GRIN2A: variants seen among roughly 807,000 people sequenced by gnomAD.
The protein encoded by GRIN2A is glutamate ionotropic receptor NMDA type subunit 2A, also known as glutamate receptor ionotropic, NMDA 2A.
GRIN2A carries 22 observed loss-of-function variants against 113.4 expected under a neutral mutation model. That is an observed-to-expected ratio of 0.19 (90% CI 0.14 to 0.28). The LOEUF is 0.28. GRIN2A is among the 10% of genes least tolerant of loss of function. The pLI, the probability that GRIN2A is intolerant of heterozygous loss-of-function variation, is 1.00. For missense variants in GRIN2A, 1,502 were observed against 1,887.0 expected, an observed-to-expected ratio of 0.80 and a Z score of 3.78; for synonymous variants, 827 against 738.4, an observed-to-expected ratio of 1.12 and a Z score of -1.94.
chr16:9,879,706 T>C (rs766904597), intron 4 of GRIN2A, among the ~76,000 whole-genome samples: 3 of 152,224 alleles, frequency 2.0e-5, no homozygotes, highest in Non-Finnish European at 4.4e-5. Flanking sequence ...TCTGTGACTC[T>C]GAGCAAGTTA....
chr16:9,843,450 C>T (rs187428367), intron 5 of GRIN2A, among the ~76,000 whole-genome samples: 1 of 152,248 alleles, frequency 6.6e-6, no homozygotes, highest in African/African-American at 2.4e-5. Flanking sequence ...CCACTTTGGC[C>T]TTTCAAAGTG....
At chr16:9,777,778 C>T (rs923600514) in intron 11 of GRIN2A, among the ~76,000 whole-genome samples, 1 of 152,198 alleles carries the variant, frequency 6.6e-6, no homozygotes, top group Non-Finnish European at 1.5e-5. Flanking sequence ...AATCTCCCAA[C>T]TCTGGCCGGG....
intron 2 of GRIN2A, among the ~76,000 whole-genome samples, chr16:10,138,986 A>T (rs2049263357): frequency 6.6e-6 from 1 of 152,224 alleles, no homozygotes; most frequent in Non-Finnish European, 1.5e-5. Context: ...GTGGGGAAAC[A>T]AAAAGCCTTG....
At chr16:10,143,856 C>T (rs1441344081) in intron 2 of GRIN2A, among the ~76,000 whole-genome samples, 1 of 152,106 alleles carries the variant, frequency 6.6e-6, no homozygotes, top group Non-Finnish European at 1.5e-5. Context: ...GTACCAACTA[C>T]TAGGGAGGCT....
intron 2 of GRIN2A, among the ~76,000 whole-genome samples, chr16:9,969,413 T>C (rs527559944): frequency 2.6e-5 from 4 of 152,328 alleles, no homozygotes; most frequent in African/African-American, 7.2e-5. Flanking sequence ...GTTGCATCCA[T>C]TGTTCCTCAC....
chr16:10,006,265 A>G (rs1185841902), intron 2 of GRIN2A, among the ~76,000 whole-genome samples: 1 of 152,184 alleles, frequency 6.6e-6, no homozygotes, highest in Admixed American at 6.5e-5. Context: ...TTTTAAACCC[A>G]GTTTTTTTAC....
At chr16:9,901,692 C>G (rs1036516586) in intron 3 of GRIN2A, among the ~76,000 whole-genome samples, 2 of 152,172 alleles carry the variant, frequency 1.3e-5, no homozygotes, top group Non-Finnish European at 2.9e-5. Flanking sequence ...CTCAAATGCT[C>G]CATCTGCCTC....
At chr16:9,818,125 C>T (rs2042218382) in intron 10 of GRIN2A, among the ~76,000 whole-genome samples, 1 of 149,976 alleles carries the variant, frequency 6.7e-6, no homozygotes, top group Non-Finnish European at 1.5e-5. Flanking sequence ...AAAAAGGAAA[C>T]AGGAGATGTG....
chr16:10,004,911 C>T (rs2046379973), intron 2 of GRIN2A, among the ~76,000 whole-genome samples: 1 of 152,102 alleles, frequency 6.6e-6, no homozygotes, highest in Non-Finnish European at 1.5e-5. Flanking sequence ...ATTCAGCCTA[C>T]TACACGGGGC....
intron 3 of GRIN2A, among the ~76,000 whole-genome samples, chr16:9,914,254 T>C (rs140091102): frequency 4.1e-4 from 63 of 152,152 alleles, no homozygotes; most frequent in African/African-American, 1.3e-3. Context: ...AGGAAGACAA[T>C]AAAACTTTAC....
rs113221542 is a variant in GRIN2A, at chr16:10,152,945, A to G, written c.414+27053T>C. ...GCCAGGAGGTAGGGGCTTAGGGAAGAATAAATAGGTAGAACATAGATGATT... is the reference window on the plus strand; with the variant it reads ...GCCAGGAGGTAGGGGCTTAGGGAAGGATAAATAGGTAGAACATAGATGATT... On this transcript the variant is annotated intron_variant, in intron 2 of 12. Coordinates refer to ENST00000330684, the MANE Select transcript of GRIN2A (RefSeq NM_001134407.3). 1.8e-3 allele frequency among the ~76,000 whole-genome samples: 276 copies of G among 152,318 alleles called. 1 individual carries two copies. Among genetic ancestry groups the G allele is most frequent in the African/African-American group, 6.1e-3 (255 of 41,558 alleles).
In GRIN2A at chr16:9,937,941, C is replaced by A. The variant is rs1484694838; in HGVS notation, c.1007+18G>T. ...AAAACTCTGATCCCACTTTGGGAGA[C>A]AACAAGCCCTTTCTTACGGGTGCAA... On this transcript the variant is annotated intron_variant, in intron 3 of 12. Transcript: ENST00000330684. The A allele has an allele frequency of 4.4e-6, 7 of 1,576,202 alleles. No individual in the cohort carries two copies. Among genetic ancestry groups the A allele is most frequent in the East Asian group, 4.5e-5 (2 of 44,560 alleles).
Position 10,174,840 on chromosome 16 carries a change from G to GAA in GRIN2A, c.414+5156_414+5157dup, listed in dbSNP as rs142412213. Among the ~76,000 whole-genome samples the GAA allele has an allele frequency of 7.2e-4, 99 of 137,218 alleles. 1 individual carries two copies. The highest frequency in any genetic ancestry group is 1.4e-3 in the East Asian group (7 of 4,858). 90.0% of individuals were successfully genotyped at this position (137,218 alleles called of 152,430 possible). ...CAAACACAGCACAAACAGAGAACTG[G>GAA]AAAAAAAAAAAAACAAGATACATGG... On this transcript the variant is annotated intron_variant, in intron 2 of 12. Transcript: ENST00000330684.
intron 3 of GRIN2A, among the ~76,000 whole-genome samples, chr16:9,907,698 G>T (rs1490999077): frequency 7.2e-5 from 11 of 152,120 alleles, no homozygotes; most frequent in Admixed American, 7.2e-4. Flanking sequence ...ACAAAGATCT[G>T]TCTCGCCTAA....
chr16:10,034,456 C>T (rs1044081681), intron 2 of GRIN2A, among the ~76,000 whole-genome samples: 2 of 136,376 alleles, frequency 1.5e-5, no homozygotes, highest in African/African-American at 5.4e-5. Flanking sequence ...ACCCAGGAGG[C>T]GGAGGTTGCA....
intron 3 of GRIN2A, among the ~76,000 whole-genome samples, chr16:9,909,756 AT>A (rs769466243): frequency 3.8e-4 from 58 of 152,090 alleles, no homozygotes; most frequent in Non-Finnish European, 8.1e-4. Context: ...AGATTTTATT[AT>A]TTTCATGTAT....
At chr16:10,149,753 A>G (rs955289134) in intron 2 of GRIN2A, among the ~76,000 whole-genome samples, 3 of 152,202 alleles carry the variant, frequency 2.0e-5, no homozygotes, top group Non-Finnish European at 2.9e-5. Flanking sequence ...TCCTCACTCC[A>G]GAACTCCTAC....
intron 2 of GRIN2A, among the ~76,000 whole-genome samples, chr16:10,124,607 G>C (rs373556420): frequency 4.6e-5 from 7 of 152,170 alleles, no homozygotes; most frequent in African/African-American, 1.7e-4. Context: ...AGGTGGTCCA[G>C]GTGAGACGGA....
chr16:10,129,265 A>G (rs1287709239), intron 2 of GRIN2A, among the ~76,000 whole-genome samples: 2 of 152,130 alleles, frequency 1.3e-5, no homozygotes, highest in East Asian at 3.9e-4. Context: ...TTTAGTAGAG[A>G]CAAAGTCTCT....
Sources: gnomAD v4.1 joint callset for allele counts (sites outside exome capture counted in the v4.1 genomes callset) on GRCh38, gnomAD v4.1.1 for gene constraint, MANE v1.5 for transcripts, NCBI Gene and HGNC (gene_info 2026-07-23, HGNC 2026-07-21) for gene names.